The following PLA2R1 variants were observed in gnomAD, a reference collection of about 807,000 sequenced individuals.
PLA2R1 encodes phospholipase A2 receptor 1.
In PLA2R1, 158 loss-of-function variants were observed where a neutral mutation model predicts 195.9. That is an observed-to-expected ratio of 0.81 (90% CI 0.71 to 0.92). The LOEUF is 0.92. Among genes scored for constraint, PLA2R1 ranks in the 40% least tolerant of loss-of-function variants. PLA2R1 has a pLI of 0.00. For missense variants in PLA2R1, 1,626 were observed against 1,764.6 expected, an observed-to-expected ratio of 0.92 and a Z score of 1.41; for synonymous variants, 586 against 598.2, an observed-to-expected ratio of 0.98 and a Z score of 0.30.
At chr2:160,020,339 A>C in intron 7 of PLA2R1, 76 bp from the exon 8 acceptor site, 1 of 847,824 alleles carries the variant, frequency 1.2e-6, no homozygotes, top group Non-Finnish European at 1.9e-6. Context: ...GTTATTACTA[A>C]AATATACCAC....
chr2:159,951,394 A>C lies in PLA2R1; in HGVS notation c.3486T>G (p.Thr1162=), dbSNP rs1021587680. Residue 1162 remains threonine (T), a synonymous_variant, in exon 24 of 30, where the codon ACT becomes ACG. Transcript: ENST00000283243. ...ITDQYHQSFL[T]VVLNRLGYAH... ...CATATCCTAGCCGGTTGAGGACAAC[A>C]GTGAGGAAGGACTGGTGATACTGGT... 46 of 1,613,878 alleles carry C rather than the reference A, an allele frequency of 2.9e-5. No individual in the cohort carries two copies. Among genetic ancestry groups the C allele is most frequent in the Non-Finnish European group, 3.9e-5 (46 of 1,179,852 alleles).
chr2:159,974,341 C>A (rs893367488), intron 17 of PLA2R1, among the ~76,000 whole-genome samples: 3 of 152,122 alleles, frequency 2.0e-5, no homozygotes, highest in African/African-American at 7.2e-5. Flanking sequence ...AGTTGCTTAA[C>A]CTCTTTGAAG....
intron 1 of PLA2R1, 110 bp downstream of exon 1, chr2:160,062,185 G>T: frequency 2.4e-6 from 2 of 821,868 alleles, no homozygotes; most frequent in Non-Finnish European, 1.8e-6. Flanking sequence ...AAACGCGGCC[G>T]CCCTTGCCCG....
intron 3 of PLA2R1, among the ~76,000 whole-genome samples, chr2:160,036,904 G>T (rs1343585754): frequency 2.6e-5 from 4 of 152,110 alleles, no homozygotes; most frequent in Non-Finnish European, 1.5e-5. Flanking sequence ...GAACGGGGGA[G>T]GTGGCGAATT....
chr2:159,944,897 T>G lies in PLA2R1; in HGVS notation c.4144+9A>C, dbSNP rs1248427143. 3 of 1,603,280 alleles carry G rather than the reference T, an allele frequency of 1.9e-6. No homozygotes were observed. The highest frequency in any genetic ancestry group is 2.6e-6 in the Non-Finnish European group (3 of 1,170,958). ...TCAAAATGAAGAATTACTCTCTGAC[T>G]TTACCTACCTGCCTCCATTTTACAT... On this transcript the variant is annotated intron_variant, in intron 28 of 29. Coordinates refer to ENST00000283243, the MANE Select transcript of PLA2R1 (RefSeq NM_007366.5).
At chr2:159,970,043 A>G in intron 18 of PLA2R1, 105 bp downstream of exon 18, 1 of 694,684 alleles carries the variant, frequency 1.4e-6, no homozygotes, top group South Asian at 1.8e-5. Context: ...TTATAAGTTA[A>G]TGTTTGAAGG....
chr2:160,028,954 C>T lies in PLA2R1; in HGVS notation c.851G>A (p.Ser284Asn), dbSNP rs144151456. 147 of 1,552,136 alleles carry T rather than the reference C, an allele frequency of 9.5e-5. No individual in the cohort carries two copies. In the African/African-American group the frequency reaches 1.8e-3, roughly 19 times the overall value. Residue 284 changes from serine (S) to asparagine (N), a missense_variant, in exon 5 of 30, where the codon AGC becomes AAC. Physicochemically the swap from Ser to Asn is conservative, Grantham distance 46. Coordinates refer to ENST00000283243, the MANE Select transcript of PLA2R1 (RefSeq NM_007366.5). ...CATCCACACCTCCACTGTTTTACTG[C>T]TCATGTGCTCTGAAATGAAAATTAT... ...TEENFIREHMSSKTVEVWMGL... is the reference protein window; with the variant it reads ...TEENFIREHMNSKTVEVWMGL...
At chr2:159,982,505 AG>A (rs1690022191) in intron 13 of PLA2R1, among the ~76,000 whole-genome samples, 1 of 152,238 alleles carries the variant, frequency 6.6e-6, no homozygotes. Context: ...GCTTCCTTCT[AG>A]AACCCTTTAC....
At chr2:159,953,682 A>C (rs1029078359) in intron 23 of PLA2R1, among the ~76,000 whole-genome samples, 1 of 151,944 alleles carries the variant, frequency 6.6e-6, no homozygotes, top group Admixed American at 6.5e-5. Context: ...ATTCTGTACT[A>C]TCTCTAAAGG....
intron 2 of PLA2R1, among the ~76,000 whole-genome samples, chr2:160,042,516 T>C (rs1694582976): frequency 6.6e-6 from 1 of 152,238 alleles, no homozygotes; most frequent in Non-Finnish European, 1.5e-5. Context: ...AACTTCATAA[T>C]ACCTTCCAGT....
rs1018769515 is a variant in PLA2R1 at position 160,037,583 on chromosome 2, T to C, written c.667+4442A>G. Among the ~76,000 whole-genome samples, 4 of 152,288 alleles carry C rather than the reference T, an allele frequency of 2.6e-5. No homozygotes were observed. The East Asian group carries it at 5.8e-4, about 22-fold the overall frequency. On this transcript the variant is annotated intron_variant, in intron 3 of 29. Coordinates refer to ENST00000283243, the MANE Select transcript of PLA2R1 (RefSeq NM_007366.5). ...GCATGTGCCTGGTGACTCAAAAGCA[T>C]GCTGTCTTTTACTTGGTTTTATTAT... is the stretch of plus-strand genomic sequence containing the variant.
intron 4 of PLA2R1, among the ~76,000 whole-genome samples, chr2:160,030,973 T>C (rs1693816545): frequency 6.6e-6 from 1 of 152,214 alleles, no homozygotes; most frequent in Admixed American, 6.5e-5. Flanking sequence ...GATAGATAAT[T>C]GTAATTCATA....
chr2:159,964,155 G>T (rs797020311), intron 20 of PLA2R1, among the ~76,000 whole-genome samples: 10 of 152,252 alleles, frequency 6.6e-5, no homozygotes, highest in African/African-American at 1.9e-4. Context: ...GACAAATATT[G>T]TATGAGTTCG....
At position 160,042,009 on chromosome 2, in the gene PLA2R1, C is replaced by T. The variant is rs1694548917; in HGVS notation, c.667+16G>A. 6.2e-7 allele frequency: 1 copy of T among 1,603,202 alleles called. No individual in the cohort carries two copies. Among genetic ancestry groups the T allele is most frequent in the African/African-American group, 1.3e-5 (1 of 74,866 alleles). ...ATTCATTCATGACATATAGAGAAGA[C>T]AAAATTTATTCTTACTGGGATCAGG... On this transcript the variant is annotated intron_variant, in intron 3 of 29. Coordinates refer to ENST00000283243, the MANE Select transcript of PLA2R1 (RefSeq NM_007366.5).
At chr2:160,058,034 C>A (rs1002155911) in intron 1 of PLA2R1, among the ~76,000 whole-genome samples, 1 of 152,072 alleles carries the variant, frequency 6.6e-6, no homozygotes, top group Non-Finnish European at 1.5e-5. Flanking sequence ...AAACTGAGCC[C>A]CAGTGGTCTG....
chr2:159,946,044 C>T (rs1004808900), intron 27 of PLA2R1: 3 of 983,462 alleles, frequency 3.1e-6, no homozygotes, highest in Non-Finnish European at 3.6e-6. Context: ...CAGTGAATTT[C>T]TTTAATACCA....
chr2:159,988,476 G>T (rs1455608364), intron 11 of PLA2R1, among the ~76,000 whole-genome samples: 2 of 152,296 alleles, frequency 1.3e-5, no homozygotes, highest in African/African-American at 2.4e-5. Context: ...TACAGTAAAA[G>T]GTGTGTTCAA....
intron 20 of PLA2R1, among the ~76,000 whole-genome samples, chr2:159,956,896 T>C (rs1411840465): frequency 6.6e-6 from 1 of 152,036 alleles, no homozygotes; most frequent in Non-Finnish European, 1.5e-5. Flanking sequence ...GAACAGTGCC[T>C]TCAGCACAAT....
At chr2:159,997,656 A>G (rs1691305177) in intron 11 of PLA2R1, among the ~76,000 whole-genome samples, 1 of 152,060 alleles carries the variant, frequency 6.6e-6, no homozygotes, top group South Asian at 2.1e-4. Flanking sequence ...TTGAGCCTCC[A>G]GCAGTTTTAT....
Sources: allele counts gnomAD v4.1 joint callset (sites outside exome capture counted in the v4.1 genomes callset), GRCh38; gene constraint gnomAD v4.1.1; transcripts MANE v1.5; gene names NCBI Gene and HGNC (gene_info 2026-07-23, HGNC 2026-07-21).